CCDC24: variants seen among roughly 807,000 people sequenced by gnomAD.
The protein encoded by CCDC24 is coiled-coil domain containing 24.
In CCDC24, 34 loss-of-function variants were observed where a neutral mutation model predicts 31.6. That is an observed-to-expected ratio of 1.08 (90% CI 0.82 to 1.43). The LOEUF (loss-of-function observed/expected upper bound fraction) is 1.43. CCDC24 is among the 40% of genes most tolerant of loss of function. The pLI is 0.00. For missense variants in CCDC24, 426 were observed against 391.1 expected (o/e 1.09, Z -0.75); for synonymous variants, 175 against 157.3 (o/e 1.11, Z -0.84).
chr1:43,991,953 GAGGATTCT>G lies in CCDC24; in HGVS notation c.76_83del (p.Arg26GlyfsTer38). 1.3e-6 allele frequency: 2 copies of G among 1,537,392 alleles called. No homozygotes were observed. Among genetic ancestry groups the G allele is most frequent in the Non-Finnish European group, 1.8e-6 (2 of 1,137,998 alleles). ...CGCTCCGGGAGCGACGCGAAGTGAA[GAGGATTCT>G]GGGGGAGGCGGCGGTGGACCTGAGC... On this transcript the variant is annotated frameshift_variant, in exon 2 of 9. Transcript: ENST00000372318. LOFTEE classifies it high-confidence loss of function.
rs1411717526 is a variant in CCDC24, at chr1:43,992,630, G to C, written c.410G>C (p.Gly137Ala). 6.2e-7 allele frequency: 1 copy of C among 1,614,160 alleles called. No individual in the cohort carries two copies. Among genetic ancestry groups the C allele is most frequent in the South Asian group, 1.1e-5 (1 of 91,086 alleles). Residue 137 changes from glycine to alanine, a missense_variant, in exon 4 of 9, where the codon GGT (glycine) becomes GCT (alanine). Transcript: ENST00000372318. ...PEQEIFQMRG[G>A]GPSSGHRDLS... The stretch of plus-strand genomic sequence containing the variant: ...CAGGAGATATTCCAGATGAGAGGTG[G>C]TGGGCCCAGGTAAGGTGATGGTAGG...
intron 2 of CCDC24, 39 bp from the exon 3 acceptor site, chr1:43,992,173 C>G (rs2085757425): frequency 1.3e-6 from 2 of 1,583,792 alleles, no homozygotes; most frequent in East Asian, 2.2e-5. Context: ...TCCGGACACT[C>G]CCCTCCCCAG....
At position 43,996,211 on chromosome 1, in the gene CCDC24, C is replaced by T. The variant is rs770744938; in HGVS notation, c.*51C>T. ...GCTTCTGCCACAGCGCACCTGTCTGCCGCTGCCGCCTCAGCTGCTTTGGCC... is the reference window on the plus strand; with the variant it reads ...GCTTCTGCCACAGCGCACCTGTCTGTCGCTGCCGCCTCAGCTGCTTTGGCC... On this transcript the variant is annotated 3_prime_UTR_variant, in exon 9 of 9. Coordinates refer to ENST00000372318, the MANE Select transcript of CCDC24 (RefSeq NM_152499.4). The T allele has an allele frequency of 1.4e-6, 2 of 1,430,214 alleles. No homozygotes were observed. Among genetic ancestry groups the T allele is most frequent in the East Asian group, 2.5e-5 (1 of 40,382 alleles). 88.6% of individuals were successfully genotyped at this position (1,430,214 alleles called of 1,614,324 possible).
chr1:43,994,147 C>T, intron 5 of CCDC24, 183 bp downstream of exon 5: 1 of 605,026 alleles, frequency 1.7e-6, no homozygotes, highest in Non-Finnish European at 3.0e-6. Flanking sequence ...CAGGAAGCAG[C>T]CAAGTACAGA....
In CCDC24 at chr1:43,991,679, G is replaced by A; in HGVS notation, c.-100G>A. On this transcript the variant is annotated 5_prime_UTR_variant, in exon 1 of 9. Transcript: ENST00000372318. ...CGAGTCGGCCAAAAGCCGGGCAGAA[G>A]AGAGCGCCAAGGACTGGCAGTTCCG... is the stretch of plus-strand genomic sequence containing the variant. 1 of 765,824 alleles carries A rather than the reference G, an allele frequency of 1.3e-6. No individual in the cohort carries two copies. The highest frequency in any genetic ancestry group is 2.3e-6 in the Non-Finnish European group (1 of 443,004). The allele number at this position is 765,824 out of a possible 1,614,324, so 47.4% of individuals were successfully genotyped here.
chr1:43,995,143 G>A lies in CCDC24; in HGVS notation c.533G>A (p.Arg178Lys), dbSNP rs767981831. The A allele has an allele frequency of 1.3e-5, 21 of 1,580,216 alleles. No individual in the cohort carries two copies. The Admixed American group carries it at 1.4e-4, about 11-fold the overall frequency. Residue 178 changes from arginine (R) to lysine (K), a missense_variant, in exon 6 of 9, where the codon AGG (arginine) becomes AAG (lysine). Physicochemically the swap from Arg to Lys is conservative, Grantham distance 26. Coordinates refer to ENST00000372318, the MANE Select transcript of CCDC24 (RefSeq NM_152499.4). This position sits in a 1 kb window ranked among gnomAD's most constrained non-coding sequence, Gnocchi z 4.3. ...LLEEECHTLEREILILQRCLE... is the reference protein window; with the variant it reads ...LLEEECHTLEKEILILQRCLE... ...GAGGAGGAGTGTCACACCTTGGAGA[G>A]GGAGATCCTCATCCTGCAGGTGAGC...
chr1:43,995,107 G>T lies in CCDC24; in HGVS notation c.498-1G>T. 1 of 1,580,246 alleles carries T rather than the reference G, an allele frequency of 6.3e-7. No individual in the cohort carries two copies. Among genetic ancestry groups the T allele is most frequent in the Non-Finnish European group, 8.6e-7 (1 of 1,163,752 alleles). On this transcript the variant is annotated splice_acceptor_variant, in intron 5 of 8. Coordinates refer to ENST00000372318, the MANE Select transcript of CCDC24 (RefSeq NM_152499.4). LOFTEE classifies it high-confidence loss of function. The surrounding 1 kb of genome is among the most constrained non-coding windows in gnomAD (Gnocchi z 4.3). ...CTGGCTGCTGCTCCCTCATGTCCCAGGGGCCTTCTGGAGGAGGAGTGTCAC... is the reference window on the plus strand; with the variant it reads ...CTGGCTGCTGCTCCCTCATGTCCCATGGGCCTTCTGGAGGAGGAGTGTCAC...
chr1:43,992,253 T>A lies in CCDC24; in HGVS notation c.168T>A (p.Ser56=). 1 of 1,613,814 alleles carries A rather than the reference T, an allele frequency of 6.2e-7. No homozygotes were observed. The highest frequency in any genetic ancestry group is 1.1e-5 in the South Asian group (1 of 91,048). ...LRALLQEARS[S]QAPSSRPISD... is the part of the protein sequence containing the mutation. The stretch of plus-strand genomic sequence containing the variant: ...CACTGCTCCAAGAGGCTCGATCCTC[T>A]CAAGCCCCCAGCTCCCGCCCCATCT... The change falls in exon 3 of 9, where the codon TCT becomes TCA. Residue 56 remains serine (S), a synonymous_variant. Transcript: ENST00000372318.
At position 43,995,912 on chromosome 1, in the gene CCDC24, C is replaced by A; in HGVS notation, c.702-26C>A. ...TGGACTGAAGGATCAGACCACCACC[C>A]CTCACAGTTACTCTTTCTTGTCCAG... On this transcript the variant is annotated intron_variant, in intron 8 of 8. Transcript: ENST00000372318. This position sits in a 1 kb window ranked among gnomAD's most constrained non-coding sequence, Gnocchi z 4.3. The A allele has an allele frequency of 6.2e-7, 1 of 1,613,802 alleles. No homozygotes were observed. The highest frequency in any genetic ancestry group is 1.1e-5 in the South Asian group (1 of 91,074).
At position 43,993,897 on chromosome 1, in the gene CCDC24, A is replaced by G; in HGVS notation, c.430A>G (p.Arg144Gly). The G allele has an allele frequency of 6.2e-7, 1 of 1,614,196 alleles. No homozygotes were observed. The highest frequency in any genetic ancestry group is 8.5e-7 in the Non-Finnish European group (1 of 1,180,032). Residue 144 changes from arginine (R) to glycine (G), a missense_variant, in exon 5 of 9, where the codon AGA becomes GGA. Transcript: ENST00000372318. ...TGACTTCATTGCCAGCAGCGGTCACAGAGATCTCAGCATCATCAAGGACCA... is the reference window on the plus strand; with the variant it reads ...TGACTTCATTGCCAGCAGCGGTCACGGAGATCTCAGCATCATCAAGGACCA... ...MRGGGPSSGH[R>G]DLSIIKDQLN...
Position 43,993,790 on chromosome 1 carries a change from C to T in CCDC24, c.420-97C>T, listed in dbSNP as rs1032290890. Reference sequence around the variant, plus strand: ...TACTCTTTGCACTATATTATATTGCCTTTGTGAGAAAAGAAACAGTTGCCT... The same window carrying T: ...TACTCTTTGCACTATATTATATTGCTTTTGTGAGAAAAGAAACAGTTGCCT... On this transcript the variant is annotated intron_variant, in intron 4 of 8. Coordinates refer to ENST00000372318, the MANE Select transcript of CCDC24 (RefSeq NM_152499.4). The T allele has an allele frequency of 5.1e-6, 6 of 1,182,068 alleles. No homozygotes were observed. The Admixed American group carries it at 9.3e-5, about 18-fold the overall frequency. The allele number at this position is 1,182,068 out of a possible 1,614,324, so 73.2% of individuals were successfully genotyped here.
Position 43,996,343 on chromosome 1 carries a change from T to C in CCDC24, c.*183T>C. On this transcript the variant is annotated 3_prime_UTR_variant, in exon 9 of 9. Transcript: ENST00000372318. ...TTGCCAGATCCCTGGTGTCTGGAGC[T>C]GAGTGGCCGGGCATCGGTCCCAAGC... 1 of 587,756 alleles carries C rather than the reference T, an allele frequency of 1.7e-6. No individual in the cohort carries two copies. The highest frequency in any genetic ancestry group is 2.9e-6 in the Non-Finnish European group (1 of 342,584). 36.4% of individuals were successfully genotyped at this position (587,756 alleles called of 1,614,324 possible).
At position 43,992,331 on chromosome 1, in the gene CCDC24, C is replaced by T. The variant is rs1221372968; in HGVS notation, c.246C>T (p.Arg82=). ...APPPLLKDLL[R]QELRQLLQGL... Reference sequence around the variant, plus strand: ...CGCCTCTCCTAAAGGACCTCTTGCGCCAGGAGCTCCGGCAGTTGCTCCAGG... The same window carrying T: ...CGCCTCTCCTAAAGGACCTCTTGCGTCAGGAGCTCCGGCAGTTGCTCCAGG... Residue 82 remains arginine (R), a synonymous_variant, in exon 3 of 9, where the codon CGC becomes CGT. Coordinates refer to ENST00000372318, the MANE Select transcript of CCDC24 (RefSeq NM_152499.4). 5 of 1,614,218 alleles carry T rather than the reference C, an allele frequency of 3.1e-6. No homozygotes were observed. Among genetic ancestry groups the T allele is most frequent in the Middle Eastern group, 1.6e-4 (1 of 6,062 alleles).
At position 43,995,941 on chromosome 1, in the gene CCDC24, G is replaced by C. The variant is rs368985890; in HGVS notation, c.705G>C (p.Gln235His). The change falls in exon 9 of 9, where the codon CAG becomes CAC. Residue 235 changes from glutamine (Q) to histidine (H), a missense_variant. Coordinates refer to ENST00000372318, the MANE Select transcript of CCDC24 (RefSeq NM_152499.4). This position sits in a 1 kb window ranked among gnomAD's most constrained non-coding sequence, Gnocchi z 4.3. ...ACAGTTACTCTTTCTTGTCCAGGCA[G>C]CGGCCCTTGGGGTCCTCCACACAGG... ...GPSCVSPNHR[Q>H]RPLGSSTQGL... 16 of 1,613,930 alleles carry C rather than the reference G, an allele frequency of 9.9e-6. No homozygotes were observed. The African/African-American group carries it at 2.1e-4, about 22-fold the overall frequency.
In CCDC24 at chr1:43,995,459, G is replaced by C; in HGVS notation, c.553-142G>C. ...CAAACTCAGCTCTTCCGCAAGGCTG[G>C]TATTCCCTGGGGAACGTGGCTGCCC... On this transcript the variant is annotated intron_variant, in intron 6 of 8. Coordinates refer to ENST00000372318, the MANE Select transcript of CCDC24 (RefSeq NM_152499.4). The surrounding 1 kb of genome is among the most constrained non-coding windows in gnomAD (Gnocchi z 4.3). 1 of 910,224 alleles carries C rather than the reference G, an allele frequency of 1.1e-6. No homozygotes were observed. The highest frequency in any genetic ancestry group is 2.8e-5 in the Admixed American group (1 of 35,184). 56.4% of individuals were successfully genotyped at this position (910,224 alleles called of 1,614,324 possible).
intron 4 of CCDC24, 57 bp from the exon 5 acceptor site, chr1:43,993,830 G>A: frequency 1.3e-6 from 2 of 1,496,010 alleles, no homozygotes; most frequent in Non-Finnish European, 9.3e-7. Context: ...GTGATATTTG[G>A]GTCCTGAAGG....
rs906768944 is a variant in CCDC24, at chr1:43,995,838, G to A, written c.683G>A (p.Cys228Tyr). The change falls in exon 8 of 9, where the codon TGT (cysteine) becomes TAT (tyrosine). Residue 228 changes from cysteine to tyrosine, a missense_variant. Transcript: ENST00000372318. This position sits in a 1 kb window ranked among gnomAD's most constrained non-coding sequence, Gnocchi z 4.3. The part of the protein sequence containing the change: ...QELQASVGPS[C>Y]VSPNHRQRPL... ...CTGCAGGCATCTGTGGGGCCTTCTT[G>A]TGTCTCTCCCAACCACAGGTAAACC... 1.2e-6 allele frequency: 2 copies of A among 1,614,232 alleles called. No individual in the cohort carries two copies. Among genetic ancestry groups the A allele is most frequent in the East Asian group, 4.5e-5 (2 of 44,884 alleles).
Position 43,995,932 on chromosome 1 carries a change from G to A in CCDC24, c.702-6G>A, listed in dbSNP as rs761532324. On this transcript the variant is annotated splice_region_variant and splice_polypyrimidine_tract_variant and intron_variant, in intron 8 of 8. Transcript: ENST00000372318. This position sits in a 1 kb window ranked among gnomAD's most constrained non-coding sequence, Gnocchi z 4.3. ...CCACCCCTCACAGTTACTCTTTCTTGTCCAGGCAGCGGCCCTTGGGGTCCT... is the reference window on the plus strand; with the variant it reads ...CCACCCCTCACAGTTACTCTTTCTTATCCAGGCAGCGGCCCTTGGGGTCCT... 6.2e-7 allele frequency: 1 copy of A among 1,613,926 alleles called. No homozygotes were observed. The highest frequency in any genetic ancestry group is 2.2e-5 in the East Asian group (1 of 44,878).
chr1:43,995,812 G>C lies in CCDC24; in HGVS notation c.657G>C (p.Glu219Asp), dbSNP rs759487352. 10 of 1,614,124 alleles carry C rather than the reference G, an allele frequency of 6.2e-6. No homozygotes were observed. Among genetic ancestry groups the C allele is most frequent in the Middle Eastern group, 3.3e-4 (2 of 6,084 alleles). Residue 219 changes from glutamate (E) to aspartate (D), a missense_variant, in exon 8 of 9, where the codon GAG becomes GAC. Coordinates refer to ENST00000372318, the MANE Select transcript of CCDC24 (RefSeq NM_152499.4). The surrounding 1 kb of genome is among the most constrained non-coding windows in gnomAD (Gnocchi z 4.3). The part of the protein sequence containing the change: ...LKEQKKAMEQ[E>D]LQASVGPSCV... ...AACAGAAGAAGGCCATGGAGCAGGA[G>C]CTGCAGGCATCTGTGGGGCCTTCTT...
Sources: gnomAD v4.1 joint callset for allele counts on GRCh38, gnomAD v4.1.1 for gene constraint, Gnocchi (gnomAD v3.1) non-coding constraint, MANE v1.5 for transcripts, NCBI Gene and HGNC (gene_info 2026-07-23, HGNC 2026-07-21) for gene names.